Variants in LRRC53 observed in about 807,000 individuals in gnomAD.
The protein encoded by LRRC53 is leucine-rich repeat-containing protein 53.
LRRC53 carries 25 observed loss-of-function variants against 13.6 expected under a neutral mutation model. That is an observed-to-expected ratio of 1.83 (90% CI 1.34 to 2.56). The LOEUF (loss-of-function observed/expected upper bound fraction) is 2.56. Ranked by LOEUF, LRRC53 falls within the 30% of genes most tolerant of loss-of-function variation. The pLI is 0.00. For synonymous variants in LRRC53, 204 were observed against 109.8 expected (o/e 1.86, Z -5.37); for missense variants, 527 against 275.8 (o/e 1.91, Z -6.45).
At chr1:74,502,419 A>G (rs970154376) in intron 1 of LRRC53, among the ~76,000 whole-genome samples, 6 of 152,236 alleles carry the variant, frequency 3.9e-5, no homozygotes, top group African/African-American at 1.4e-4. Context: ...AGAAACTCAA[A>G]TAATGTAAGC....
rs917599797 is a variant in LRRC53 at position 74,480,884 on chromosome 1, T to C, written c.173A>G (p.Asn58Ser). The C allele has an allele frequency of 1.4e-5, 10 of 717,244 alleles. No homozygotes were observed. The African/African-American group carries it at 1.4e-4, about 10-fold the overall frequency. The allele number at this position is 717,244 out of a possible 1,614,324, so 44.4% of individuals were successfully genotyped here. A position where few individuals can be genotyped will look rare whatever the true frequency, so the allele number is the denominator to read the frequency against. Reference sequence around the variant, plus strand: ...TCTGCTTAGGGAGAGCAGGGCAAGATTAAACAAGAGAGACAGGTTTGTGCT... The same window carrying C: ...TCTGCTTAGGGAGAGCAGGGCAAGACTAAACAAGAGAGACAGGTTTGTGCT... ...IESTNLSLLF[N>S]LALLSLSRNG... is the part of the protein sequence containing the mutation. Residue 58 changes from asparagine (N) to serine (S), a missense_variant, in exon 3 of 5, where the codon AAT (asparagine) becomes AGT (serine). Coordinates refer to ENST00000294635, the MANE Select transcript of LRRC53 (RefSeq NM_001382280.1).
intron 1 of LRRC53, among the ~76,000 whole-genome samples, chr1:74,490,256 T>C (rs561168758): frequency 6.6e-6 from 1 of 152,244 alleles, no homozygotes; most frequent in East Asian, 1.9e-4. Context: ...TACTGGGACT[T>C]ACAGAAAGTG....
chr1:74,475,851 G>A (rs1410685416), intron 3 of LRRC53, 41 bp from the exon 4 acceptor site: 3 of 534,452 alleles, frequency 5.6e-6, no homozygotes, highest in Middle Eastern at 2.7e-4. Flanking sequence ...AACATCTTGG[G>A]AAGAAACACA....
intron 3 of LRRC53, among the ~76,000 whole-genome samples, chr1:74,478,804 T>C (rs1668332829): frequency 6.6e-6 from 1 of 152,228 alleles, no homozygotes; most frequent in African/African-American, 2.4e-5. Flanking sequence ...AGTGCTAGTA[T>C]TCTAAGAAGC....
the LRRC53 span, among the ~76,000 whole-genome samples, chr1:74,528,897 A>C: frequency 6.6e-6 from 1 of 152,230 alleles, no homozygotes; most frequent in Non-Finnish European, 1.5e-5. Flanking sequence ...TGACACAAGG[A>C]AGGTACAAAA....
intron 1 of LRRC53, among the ~76,000 whole-genome samples, chr1:74,507,223 A>AAC (rs1669949819): frequency 1.7e-5 from 2 of 120,328 alleles, no homozygotes; most frequent in Admixed American, 9.2e-5. Context: ...AAATTTCTTC[A>AAC]CCCCCCCCCC....
At chr1:74,488,471 T>G (rs1461098921) in intron 1 of LRRC53, among the ~76,000 whole-genome samples, 2 of 152,158 alleles carry the variant, frequency 1.3e-5, no homozygotes, top group African/African-American at 2.4e-5. Flanking sequence ...GGAGAAATGA[T>G]AGGGTGTATA....
intron 1 of LRRC53, among the ~76,000 whole-genome samples, chr1:74,505,113 G>A (rs759430344): frequency 1.3e-5 from 2 of 152,134 alleles, no homozygotes; most frequent in Non-Finnish European, 2.9e-5. Flanking sequence ...AGGAGGGCCC[G>A]GGCCCACTCT....
upstream of LRRC53, among the ~76,000 whole-genome samples, chr1:74,516,763 G>A (rs1414071217): frequency 1.3e-5 from 2 of 152,142 alleles, no homozygotes; most frequent in East Asian, 3.9e-4. Flanking sequence ...AATAATGAAT[G>A]TGCCCTCATA....
At chr1:74,535,004 G>T in the LRRC53 span, among the ~76,000 whole-genome samples, 1 of 151,004 alleles carries the variant, frequency 6.6e-6, no homozygotes, top group Non-Finnish European at 1.5e-5. Context: ...CAGTGGTAAC[G>T]TATAGCCAGA....
chr1:74,494,988 T>TCTGGAG, intron 1 of LRRC53, among the ~76,000 whole-genome samples: 1 of 152,306 alleles, frequency 6.6e-6, no homozygotes, highest in South Asian at 2.1e-4. Context: ...GGACAGAGCT[T>TCTGGAG]CTCTAGCCTT....
intron 2 of LRRC53, among the ~76,000 whole-genome samples, chr1:74,482,676 G>T (rs1356829261): frequency 2.0e-5 from 3 of 152,120 alleles, no homozygotes; most frequent in Non-Finnish European, 2.9e-5. Flanking sequence ...TTGGATATCA[G>T]GATGTAAATC....
At chr1:74,523,573 G>A in the LRRC53 span, among the ~76,000 whole-genome samples, 4 of 152,206 alleles carry the variant, frequency 2.6e-5, no homozygotes, top group South Asian at 4.1e-4. Context: ...TAGTAATTTC[G>A]GTGAATATTT....
chr1:74,511,744 A>G (rs975793422), intron 1 of LRRC53, among the ~76,000 whole-genome samples: 2 of 151,984 alleles, frequency 1.3e-5, no homozygotes, highest in African/African-American at 4.8e-5. Flanking sequence ...GAGCCTGAGA[A>G]GAGTCAAGGT....
the LRRC53 span, among the ~76,000 whole-genome samples, chr1:74,535,989 C>T: frequency 2.0e-5 from 3 of 152,186 alleles, no homozygotes; most frequent in East Asian, 5.8e-4. Flanking sequence ...GAATGATTTT[C>T]TTTTCTTAAT....
At chr1:74,478,566 A>G (rs1668322289) in intron 3 of LRRC53, among the ~76,000 whole-genome samples, 1 of 152,180 alleles carries the variant, frequency 6.6e-6, no homozygotes, top group South Asian at 2.1e-4. Context: ...TCCTCTATGA[A>G]AAAAAGGGAT....
At chr1:74,530,114 G>C in the LRRC53 span, among the ~76,000 whole-genome samples, 1 of 152,164 alleles carries the variant, frequency 6.6e-6, no homozygotes, top group East Asian at 1.9e-4. Context: ...ACAAGCATGA[G>C]CCACTGTGCC....
chr1:74,508,076 T>C (rs1470661967), intron 1 of LRRC53, among the ~76,000 whole-genome samples: 1 of 152,224 alleles, frequency 6.6e-6, no homozygotes, highest in African/African-American at 2.4e-5. Context: ...TAGTGTATTC[T>C]AACACAGACG....
intron 3 of LRRC53, among the ~76,000 whole-genome samples, chr1:74,479,231 A>G (rs892106248): frequency 1.3e-5 from 2 of 152,176 alleles, no homozygotes; most frequent in Non-Finnish European, 2.9e-5. Context: ...AGCATAGAGG[A>G]AAACACACAC....
Sources: gnomAD v4.1 joint callset for allele counts (sites outside exome capture counted in the v4.1 genomes callset) on GRCh38, gnomAD v4.1.1 for gene constraint, MANE v1.5 for transcripts, NCBI Gene and HGNC (gene_info 2026-07-23, HGNC 2026-07-21) for gene names.